The following FYN variants were observed in gnomAD, a reference collection of about 807,000 sequenced individuals.
FYN encodes the protein FYN proto-oncogene, Src family tyrosine kinase.
In FYN, 10 loss-of-function variants were observed where a neutral mutation model predicts 70.2. The observed-to-expected ratio is 0.14, with a 90% CI of 0.09 to 0.24. FYN has a LOEUF of 0.24. Ranked by LOEUF, FYN falls within the 10% of genes least tolerant of loss-of-function variation. FYN has a pLI of 1.00. For synonymous variants in FYN, 236 were observed against 248.6 expected, an observed-to-expected ratio of 0.95 and a Z score of 0.48; for missense variants, 319 against 673.1, an observed-to-expected ratio of 0.47 and a Z score of 5.82.
At chr6:111,774,779 C>T (rs1189333813) in intron 3 of FYN, among the ~76,000 whole-genome samples, 1 of 152,102 alleles carries the variant, frequency 6.6e-6, no homozygotes, top group African/African-American at 2.4e-5. Flanking sequence ...AGTGCAGTGA[C>T]GTGATCTCGC....
At chr6:111,739,122 G>A (rs576261843) in intron 3 of FYN, among the ~76,000 whole-genome samples, 2 of 152,300 alleles carry the variant, frequency 1.3e-5, no homozygotes, top group East Asian at 3.9e-4. Flanking sequence ...CAATGACCAT[G>A]TTGCTATCGT....
intron 1 of FYN, among the ~76,000 whole-genome samples, chr6:111,850,539 G>A (rs79950384): frequency 0.031 from 4,676 of 152,316 alleles, 115 homozygotes; most frequent in East Asian, 0.13. Context: ...CATATCGAGC[G>A]TGTCCACAGG....
At chr6:111,681,747 C>T (rs1422252377) in intron 12 of FYN, among the ~76,000 whole-genome samples, 1 of 152,134 alleles carries the variant, frequency 6.6e-6, no homozygotes, top group East Asian at 1.9e-4. Flanking sequence ...AATAGCTAAA[C>T]ATACACTGAG....
chr6:111,675,814 A>AAAAT (rs571127025), intron 12 of FYN, among the ~76,000 whole-genome samples: 3,441 of 151,212 alleles, frequency 0.023, 126 homozygotes, highest in African/African-American at 0.076. Context: ...AAATAAAATA[A>AAAAT]AAATAAATAA....
In FYN at chr6:111,868,582, A is replaced by G. The variant is rs545289434; in HGVS notation, c.-123+4386T>C. Among the ~76,000 whole-genome samples the G allele has an allele frequency of 3.0e-4, 45 of 152,340 alleles. No individual in the cohort carries two copies. The South Asian group carries it at 8.7e-3, about 29-fold the overall frequency. ...TATAAAATTATATTTCTCATCAACCAAAAGTCTTAGTTTCTAAAGCATTTC... is the reference window on the plus strand; with the variant it reads ...TATAAAATTATATTTCTCATCAACCGAAAGTCTTAGTTTCTAAAGCATTTC... On this transcript the variant is annotated intron_variant, in intron 1 of 13. Coordinates refer to ENST00000354650, the MANE Select transcript of FYN (RefSeq NM_002037.5).
intron 4 of FYN, among the ~76,000 whole-genome samples, chr6:111,717,112 T>C (rs1800684408): frequency 6.6e-6 from 1 of 152,142 alleles, no homozygotes. Flanking sequence ...TTTGTTTTAC[T>C]AGTGCCACAG....
At chr6:111,789,834 T>C (rs1234105589) in intron 2 of FYN, among the ~76,000 whole-genome samples, 1 of 152,226 alleles carries the variant, frequency 6.6e-6, no homozygotes, top group African/African-American at 2.4e-5. Context: ...GCGCAGCTGC[T>C]GGACACGTCT....
rs138034632 is a variant in FYN at position 111,694,500 on chromosome 6, C to T, written c.1148G>A (p.Arg383His). 1.1e-5 allele frequency: 17 copies of T among 1,614,200 alleles called. No homozygotes were observed. Among genetic ancestry groups the T allele is most frequent in the Admixed American group, 1.7e-5 (1 of 60,036 alleles). ...QVAAGMAYIE[R>H]MNYIHRDLRS... ...CAGATCTCTATGGATATAATTCATG[C>T]GCTCGATGTAAGCCATTCCTGCAGC... Residue 383 changes from arginine (R) to histidine (H), a missense_variant, in exon 12 of 14, where the codon CGC (arginine) becomes CAC (histidine). Physicochemically the swap from Arg to His is conservative, Grantham distance 29. This residue lies in a region of FYN where 64 missense variants were observed against 223.0 expected (regional missense o/e 0.29). Coordinates refer to ENST00000354650, the MANE Select transcript of FYN (RefSeq NM_002037.5). This position sits in a 1 kb window ranked among gnomAD's most constrained non-coding sequence, Gnocchi z 5.0.
chr6:111,671,798 C>T (rs986671712), intron 13 of FYN, among the ~76,000 whole-genome samples: 3 of 152,106 alleles, frequency 2.0e-5, no homozygotes, highest in Non-Finnish European at 4.4e-5. Flanking sequence ...AAGGAAGCTT[C>T]GTGAAACCTC....
intron 2 of FYN, among the ~76,000 whole-genome samples, chr6:111,815,610 GAA>G (rs557680506): frequency 6.6e-6 from 1 of 151,604 alleles, no homozygotes; most frequent in Non-Finnish European, 1.5e-5. Context: ...ATAACTAGAG[GAA>G]AAAAATACTA....
chr6:111,702,296 T>TA (rs1243611767), intron 8 of FYN: 1 of 152,224 alleles, frequency 6.6e-6, no homozygotes, highest in Non-Finnish European at 1.5e-5. Context: ...ATAATGGTGA[T>TA]ATCTGGGTGT....
intron 2 of FYN, among the ~76,000 whole-genome samples, chr6:111,785,669 CT>C (rs370923944): frequency 6.7e-4 from 99 of 148,620 alleles, no homozygotes; most frequent in Non-Finnish European, 1.2e-3. Context: ...TTCTTTTTTT[CT>C]TTTTTTTTTA....
chr6:111,790,693 A>G (rs1238372416), intron 2 of FYN, among the ~76,000 whole-genome samples: 1 of 152,174 alleles, frequency 6.6e-6, no homozygotes, highest in Admixed American at 6.5e-5. Context: ...GGAGATCTTG[A>G]TCTGAATCTC....
At chr6:111,777,990 T>C (rs1242268073) in intron 3 of FYN, among the ~76,000 whole-genome samples, 2 of 152,236 alleles carry the variant, frequency 1.3e-5, no homozygotes, top group Non-Finnish European at 2.9e-5. Context: ...AAATCCTTTA[T>C]GATCCATGAC....
intron 2 of FYN, chr6:111,818,626 C>T (rs1388235116): frequency 6.6e-6 from 1 of 152,636 alleles, no homozygotes; most frequent in African/African-American, 2.4e-5. Context: ...TGGTCTGTTG[C>T]CTTGCTGCTG....
chr6:111,838,463 T>C (rs1773256574), intron 2 of FYN, among the ~76,000 whole-genome samples: 1 of 152,194 alleles, frequency 6.6e-6, no homozygotes, highest in African/African-American at 2.4e-5. Context: ...AAGTGATAAT[T>C]CACTTTAGTG....
chr6:111,822,571 T>C (rs528554373), intron 2 of FYN, among the ~76,000 whole-genome samples: 4 of 152,048 alleles, frequency 2.6e-5, no homozygotes, highest in Admixed American at 6.5e-5. Flanking sequence ...ATGGCACATG[T>C]ATACATATGT....
chr6:111,869,057 A>T lies in FYN; in HGVS notation c.-123+3911T>A, dbSNP rs558560895. On this transcript the variant is annotated intron_variant, in intron 1 of 13. Coordinates refer to ENST00000354650, the MANE Select transcript of FYN (RefSeq NM_002037.5). ...TCTGCAGAACAGATGAATATAATGA[A>T]GTATTCATGGCAAAAAAAAGTGCAT... Among the ~76,000 whole-genome samples, 83 of 152,372 alleles carry T rather than the reference A, an allele frequency of 5.4e-4. 2 individuals are homozygous for T. The South Asian group carries it at 0.016, about 29-fold the overall frequency.
At chr6:111,823,079 T>G (rs926332418) in intron 2 of FYN, among the ~76,000 whole-genome samples, 1 of 152,252 alleles carries the variant, frequency 6.6e-6, no homozygotes, top group African/African-American at 2.4e-5. Flanking sequence ...ATTATGTCCC[T>G]CTGTGTCTTT....
Sources: allele counts gnomAD v4.1 joint callset (sites outside exome capture counted in the v4.1 genomes callset), GRCh38; gene constraint gnomAD v4.1.1; regional missense constraint gnomAD v4.1.1; non-coding constraint Gnocchi (gnomAD v3.1); transcripts MANE v1.5; gene names NCBI Gene and HGNC (gene_info 2026-07-23, HGNC 2026-07-21).